Variants in GRM3 observed in about 807,000 individuals in gnomAD.
GRM3 encodes the protein metabotropic glutamate receptor 3.
A neutral mutation model predicts 70.5 loss-of-function variants in GRM3; 26 were observed. The observed-to-expected ratio is 0.37, with a 90% confidence interval of 0.27 to 0.51. The LOEUF (loss-of-function observed/expected upper bound fraction) is 0.51. GRM3 is among the 20% of genes least tolerant of loss of function. The pLI is 0.93. For synonymous variants in GRM3, 443 were observed against 434.9 expected (o/e 1.02, Z -0.23); for missense variants, 859 against 1,123.8 (o/e 0.76, Z 3.37).
intron 3 of GRM3, among the ~76,000 whole-genome samples, chr7:86,833,511 C>T (rs180880699): frequency 1.2e-4 from 18 of 152,278 alleles, no homozygotes; most frequent in African/African-American, 4.3e-4. Context: ...TTAGAGGCAA[C>T]TCTAAATGCA....
chr7:86,664,659 T>A (rs947478390), intron 1 of GRM3, among the ~76,000 whole-genome samples: 8 of 151,896 alleles, frequency 5.3e-5, no homozygotes, highest in Admixed American at 4.6e-4. Flanking sequence ...CCAAAAGAGA[T>A]GACAGAATTT....
intron 1 of GRM3, among the ~76,000 whole-genome samples, chr7:86,680,607 A>G (rs886806601): frequency 6.6e-6 from 1 of 152,140 alleles, no homozygotes; most frequent in African/African-American, 2.4e-5. Context: ...TTTTGTCCTT[A>G]GTACCCTATA....
At chr7:86,657,199 C>T (rs1183878139) in intron 1 of GRM3, among the ~76,000 whole-genome samples, 1 of 152,140 alleles carries the variant, frequency 6.6e-6, no homozygotes, top group Non-Finnish European at 1.5e-5. Flanking sequence ...CTGCTACTTT[C>T]AAGGCACTGG....
At chr7:86,823,523 C>G (rs1798167551) in intron 3 of GRM3, among the ~76,000 whole-genome samples, 1 of 143,856 alleles carries the variant, frequency 7.0e-6, no homozygotes, top group South Asian at 2.2e-4. Context: ...CTGCCCTTTT[C>G]TAAAAAGAAA....
At chr7:86,740,721 A>C (rs1276762315) in intron 1 of GRM3, among the ~76,000 whole-genome samples, 4 of 151,852 alleles carry the variant, frequency 2.6e-5, no homozygotes, top group Non-Finnish European at 5.9e-5. Context: ...GAGTCATTTC[A>C]AAAATTAAGC....
chr7:86,680,236 A>C lies in GRM3; in HGVS notation c.-141+35364A>C, dbSNP rs77707184. 1.6e-3 allele frequency among the ~76,000 whole-genome samples: 238 copies of C among 152,270 alleles called. 6 individuals carry two copies. In the East Asian group the frequency reaches 0.031, roughly 20 times the overall value. ...GGGACCATGGGTATTTTGAAAGAAA[A>C]TATTTAAGAGGACTACTAAAATTGG... is the stretch of plus-strand genomic sequence containing the variant. On this transcript the variant is annotated intron_variant, in intron 1 of 5. Coordinates refer to ENST00000361669, the MANE Select transcript of GRM3 (RefSeq NM_000840.3).
intron 3 of GRM3, among the ~76,000 whole-genome samples, chr7:86,808,374 C>T (rs1412138071): frequency 6.6e-6 from 1 of 152,032 alleles, no homozygotes; most frequent in Non-Finnish European, 1.5e-5. Context: ...TCCGTCTGGT[C>T]CTGGACTTTT....
At chr7:86,816,067 G>A (rs538393490) in intron 3 of GRM3, among the ~76,000 whole-genome samples, 1 of 152,002 alleles carries the variant, frequency 6.6e-6, no homozygotes, top group Non-Finnish European at 1.5e-5. Context: ...TACCTGGAAG[G>A]TATAAGTCAT....
chr7:86,849,006 T>C (rs1196781383), intron 4 of GRM3, among the ~76,000 whole-genome samples: 1 of 152,150 alleles, frequency 6.6e-6, no homozygotes, highest in African/African-American at 2.4e-5. Flanking sequence ...TCTTGTAATG[T>C]CTTAAAGTGT....
chr7:86,644,801 C>T lies in GRM3; in HGVS notation c.-212C>T. On this transcript the variant is annotated 5_prime_UTR_variant, in exon 1 of 6. Transcript: ENST00000361669. ...AGGAGGACCAACCATGAGCCAGAGC[C>T]CGGGTGCAGGCTCACCGCCGCCGCT... 7.8e-7 allele frequency: 1 copy of T among 1,289,652 alleles called. No individual in the cohort carries two copies. Among genetic ancestry groups the T allele is most frequent in the Non-Finnish European group, 1.0e-6 (1 of 988,738 alleles). 79.9% of individuals were successfully genotyped at this position (1,289,652 alleles called of 1,614,324 possible).
At chr7:86,798,834 T>C (rs559419980) in intron 3 of GRM3, among the ~76,000 whole-genome samples, 3 of 152,004 alleles carry the variant, frequency 2.0e-5, no homozygotes, top group African/African-American at 7.2e-5. Flanking sequence ...TGGGAGGTAA[T>C]TGAATCATGG....
chr7:86,746,648 G>A lies in GRM3; in HGVS notation c.-140-18358G>A, dbSNP rs189362355. 2.1e-3 allele frequency among the ~76,000 whole-genome samples: 323 copies of A among 151,936 alleles called. 1 individual carries two copies. The highest frequency in any genetic ancestry group is 4.2e-3 in the South Asian group (20 of 4,816). On this transcript the variant is annotated intron_variant, in intron 1 of 5. Transcript: ENST00000361669. ...CACCTCTGTCTCACCTTTTAAAATT[G>A]CATAAATTCCTAGCCCGATGCATTG...
chr7:86,682,985 A>G (rs1794477335), intron 1 of GRM3, among the ~76,000 whole-genome samples: 1 of 152,180 alleles, frequency 6.6e-6, no homozygotes, highest in Non-Finnish European at 1.5e-5. Context: ...AAGAGCCAAG[A>G]TATTGAAAGG....
intron 1 of GRM3, among the ~76,000 whole-genome samples, chr7:86,727,274 T>C (rs928916737): frequency 1.2e-4 from 18 of 152,124 alleles, no homozygotes; most frequent in Admixed American, 1.2e-3. Context: ...CATGCAAAGT[T>C]CATTGTGGTC....
At chr7:86,656,362 G>T (rs996797299) in intron 1 of GRM3, among the ~76,000 whole-genome samples, 1 of 139,014 alleles carries the variant, frequency 7.2e-6, no homozygotes, top group Admixed American at 8.3e-5. Flanking sequence ...TCTGCCTCCC[G>T]GGTTCAAGCA....
At position 86,713,678 on chromosome 7, in the gene GRM3, C is replaced by G. The variant is rs376056277; in HGVS notation, c.-140-51328C>G. Reference sequence around the variant, plus strand: ...CTTCATTTGGTACAAAATACAGTCTCTTGTTTGAATTACATGGCCAGGGCA... The same window carrying G: ...CTTCATTTGGTACAAAATACAGTCTGTTGTTTGAATTACATGGCCAGGGCA... On this transcript the variant is annotated intron_variant, in intron 1 of 5. Coordinates refer to ENST00000361669, the MANE Select transcript of GRM3 (RefSeq NM_000840.3). Among the ~76,000 whole-genome samples, 6 of 152,040 alleles carry G rather than the reference C, an allele frequency of 3.9e-5. No homozygotes were observed. In the South Asian group the frequency reaches 8.3e-4, roughly 21 times the overall value.
At chr7:86,853,447 A>C (rs962247175) in intron 5 of GRM3, among the ~76,000 whole-genome samples, 1 of 152,210 alleles carries the variant, frequency 6.6e-6, no homozygotes, top group Non-Finnish European at 1.5e-5. Context: ...AGCTCAATTT[A>C]TATCCATTTC....
chr7:86,681,247 C>A (rs1049073304), intron 1 of GRM3, among the ~76,000 whole-genome samples: 21 of 152,188 alleles, frequency 1.4e-4, no homozygotes, highest in Non-Finnish European at 2.6e-4. Flanking sequence ...GATACAGCAA[C>A]TTCATCAATG....
intron 1 of GRM3, among the ~76,000 whole-genome samples, chr7:86,758,507 G>T (rs926478231): frequency 1.3e-5 from 2 of 152,106 alleles, no homozygotes; most frequent in Non-Finnish European, 2.9e-5. Flanking sequence ...AGCTGAAATG[G>T]CAACACACAC....
Sources: allele counts gnomAD v4.1 joint callset (sites outside exome capture counted in the v4.1 genomes callset), GRCh38; gene constraint gnomAD v4.1.1; transcripts MANE v1.5; gene names NCBI Gene and HGNC (gene_info 2026-07-23, HGNC 2026-07-21).